Variants in SLC4A4 observed in about 807,000 individuals in gnomAD.
SLC4A4 encodes the protein solute carrier family 4 member 4, also known as electrogenic sodium bicarbonate cotransporter 1.
Under a neutral mutation model 111.5 loss-of-function variants are expected in SLC4A4, and 27 were observed. The observed-to-expected ratio is 0.24, with a 90% CI of 0.18 to 0.33. The LOEUF (loss-of-function observed/expected upper bound fraction) is 0.33. Among genes scored for constraint, SLC4A4 ranks in the 10% least tolerant of loss-of-function variants. The probability of loss-of-function intolerance (pLI) is 1.00; values close to 1 mark genes in which losing one functional copy is unlikely to be tolerated. For missense variants in SLC4A4, 909 were observed against 1,315.5 expected (o/e 0.69, Z 4.78); for synonymous variants, 443 against 463.4 (o/e 0.96, Z 0.57).
At chr4:71,383,900 G>A (rs1030094586) in intron 6 of SLC4A4, among the ~76,000 whole-genome samples, 1 of 152,090 alleles carries the variant, frequency 6.6e-6, no homozygotes. Flanking sequence ...TACTGCCCCC[G>A]CTCTGTCGCC....
At chr4:71,300,899 G>C (rs757757117) in intron 3 of SLC4A4, 4 of 517,552 alleles carry the variant, frequency 7.7e-6, no homozygotes, top group Non-Finnish European at 7.9e-6. Flanking sequence ...CGTGGTAGGT[G>C]CTGGGGTCCA....
intron 1 of SLC4A4, among the ~76,000 whole-genome samples, chr4:71,089,109 A>T (rs1330315767): frequency 2.0e-5 from 3 of 151,708 alleles, no homozygotes; most frequent in African/African-American, 4.9e-5. Flanking sequence ...ATTTCCTTTT[A>T]TTCTTTTTTC....
At chr4:71,189,987 G>A (rs1312012893) in intron 1 of SLC4A4, among the ~76,000 whole-genome samples, 1 of 152,188 alleles carries the variant, frequency 6.6e-6, no homozygotes, top group African/African-American at 2.4e-5. Context: ...GAAGCTATAA[G>A]CAGAACATGG....
chr4:71,467,010 C>T (rs1281547813), intron 13 of SLC4A4, among the ~76,000 whole-genome samples: 1 of 150,998 alleles, frequency 6.6e-6, no homozygotes, highest in Non-Finnish European at 1.5e-5. Flanking sequence ...CCCCAGCTCA[C>T]CGTCTTTGTT....
intron 18 of SLC4A4, among the ~76,000 whole-genome samples, chr4:71,535,761 C>T (rs1357230117): frequency 6.6e-6 from 1 of 151,862 alleles, no homozygotes; most frequent in Non-Finnish European, 1.5e-5. Flanking sequence ...TGTGGAAGGG[C>T]AGAATGAAGA....
At chr4:71,428,654 A>G (rs1184646374) in intron 7 of SLC4A4, among the ~76,000 whole-genome samples, 1 of 152,060 alleles carries the variant, frequency 6.6e-6, no homozygotes, top group Non-Finnish European at 1.5e-5. Context: ...ACGAAGAGAA[A>G]ATAAACCAAG....
At chr4:71,316,276 A>T (rs932178848) in intron 3 of SLC4A4, among the ~76,000 whole-genome samples, 1 of 152,154 alleles carries the variant, frequency 6.6e-6, no homozygotes, top group African/African-American at 2.4e-5. Context: ...CTTTTGAAAA[A>T]GTCTTGCTGC....
At chr4:71,511,826 T>C (rs956550793) in intron 16 of SLC4A4, among the ~76,000 whole-genome samples, 1 of 152,130 alleles carries the variant, frequency 6.6e-6, no homozygotes, top group African/African-American at 2.4e-5. Context: ...CTCAATGTGA[T>C]CAAATTTTTT....
chr4:71,141,212 C>T (rs1010376823), intron 2 of SLC4A4, among the ~76,000 whole-genome samples: 17 of 152,246 alleles, frequency 1.1e-4, no homozygotes, highest in African/African-American at 3.9e-4. Context: ...TCTATGAGTT[C>T]GATTATTTCA....
intron 2 of SLC4A4, among the ~76,000 whole-genome samples, chr4:71,253,176 A>G (rs1721196001): frequency 6.6e-6 from 1 of 152,182 alleles, no homozygotes; most frequent in Admixed American, 6.5e-5. Context: ...AGTAGGTTCC[A>G]AAAAGTCAAG....
chr4:71,233,543 T>C (rs915095683), intron 1 of SLC4A4, among the ~76,000 whole-genome samples: 5 of 152,160 alleles, frequency 3.3e-5, no homozygotes, highest in African/African-American at 9.6e-5. Flanking sequence ...CCTTGATTTT[T>C]ACATTTTCTT....
chr4:71,241,680 G>A (rs1220661227), intron 2 of SLC4A4, among the ~76,000 whole-genome samples: 2 of 152,142 alleles, frequency 1.3e-5, no homozygotes, highest in African/African-American at 4.8e-5. Flanking sequence ...CTTCTCTGCT[G>A]TTCACTCTAA....
chr4:71,251,852 G>A (rs902108924), intron 2 of SLC4A4, among the ~76,000 whole-genome samples: 3 of 151,632 alleles, frequency 2.0e-5, no homozygotes, highest in African/African-American at 7.3e-5. Flanking sequence ...TTTTTTTTTA[G>A]CCTAAAAAGT....
chr4:71,426,677 C>T (rs1723171428), intron 7 of SLC4A4, among the ~76,000 whole-genome samples: 1 of 152,122 alleles, frequency 6.6e-6, no homozygotes, highest in Non-Finnish European at 1.5e-5. Flanking sequence ...CCTTCTACAT[C>T]CCAGCCCTTG....
intron 3 of SLC4A4, among the ~76,000 whole-genome samples, chr4:71,299,830 T>C (rs1283216145): frequency 6.6e-6 from 1 of 152,176 alleles, no homozygotes; most frequent in Non-Finnish European, 1.5e-5. Context: ...AGGGCTGGGC[T>C]GGAGCAGCCA....
rs560213370 is a variant in SLC4A4, at chr4:71,114,036, A to G, written c.-2+21244A>G. On this transcript the variant is annotated intron_variant, in intron 2 of 26. Transcript: ENST00000649996. ...GCCGAGGCCGGCGGATCACGAGGTC[A>G]GGAGATTGAGACCATTCTGGCTAAC... Among the ~76,000 whole-genome samples the G allele has an allele frequency of 3.6e-4, 55 of 152,270 alleles. No individual in the cohort carries two copies. In the East Asian group the frequency reaches 0.01, roughly 28 times the overall value.
chr4:71,278,042 G>T (rs1723215411), intron 3 of SLC4A4, among the ~76,000 whole-genome samples: 1 of 152,028 alleles, frequency 6.6e-6, no homozygotes. Context: ...TTACATCCCA[G>T]AATTTATTCA....
rs147441662 is a variant in SLC4A4 at position 71,264,288 on chromosome 4, C to G, written c.253+8889C>G. On this transcript the variant is annotated intron_variant, in intron 3 of 25. Transcript: ENST00000264485. ...CTATTATTTAAAAAAACACATTGCA[C>G]ATGATATCCTTACTTTAGAAACTAC... is the stretch of plus-strand genomic sequence containing the variant. Among the ~76,000 whole-genome samples the G allele has an allele frequency of 2.2e-3, 339 of 152,232 alleles. 6 individuals carry two copies. Among genetic ancestry groups the G allele is most frequent in the Admixed American group, 0.018 (277 of 15,276 alleles).
chr4:71,562,427 TATAATATA>T (rs1252248611), intron 23 of SLC4A4, among the ~76,000 whole-genome samples: 2 of 151,720 alleles, frequency 1.3e-5, no homozygotes, highest in African/African-American at 4.8e-5. Context: ...GGGTTACAGC[TATAATATA>T]ATATTTATGA....
Sources: gnomAD v4.1 joint callset for allele counts (sites outside exome capture counted in the v4.1 genomes callset) on GRCh38, gnomAD v4.1.1 for gene constraint, MANE v1.5 for transcripts, NCBI Gene and HGNC (gene_info 2026-07-23, HGNC 2026-07-21) for gene names.